MGA: variants seen among roughly 807,000 people sequenced by gnomAD.
MGA encodes MAX gene-associated protein.
MGA carries 40 observed loss-of-function variants against 261.1 expected under a neutral mutation model. The ratio of observed to expected loss-of-function variants is 0.15; its 90% confidence interval spans 0.12 to 0.20. MGA has a LOEUF of 0.20. Ranked by LOEUF, MGA falls within the 10% of genes least tolerant of loss-of-function variation. The pLI is 1.00. For missense variants in MGA, 3,397 were observed against 3,630.5 expected (o/e 0.94, Z 1.65); for synonymous variants, 1,302 against 1,290.6 (o/e 1.01, Z -0.19).
intron 2 of MGA, among the ~76,000 whole-genome samples, chr15:41,687,837 T>C (rs2059050308): frequency 6.6e-6 from 1 of 152,198 alleles, no homozygotes; most frequent in African/African-American, 2.4e-5. Context: ...CAAGTAAGTT[T>C]GATTGATAGT....
Position 41,725,766 on chromosome 15 carries a change from C to T in MGA, c.3431-1414C>T, listed in dbSNP as rs1414484054. On this transcript the variant is annotated intron_variant, in intron 9 of 23. Coordinates refer to ENST00000219905, the MANE Select transcript of MGA (RefSeq NM_001164273.2). ...AGGAGAATGGCGTGAACCCGGGAGG[C>T]GGAGCTTGCAGTGAGCCGAGATCCC... is the stretch of plus-strand genomic sequence containing the variant. Among the ~76,000 whole-genome samples, 6 of 32,210 alleles carry T rather than the reference C, an allele frequency of 1.9e-4. 2 individuals are homozygous for T. The highest frequency in any genetic ancestry group is 5.0e-4 in the African/African-American group (6 of 11,926). The allele number at this position is 32,210 out of a possible 152,430, so 21.1% of individuals were successfully genotyped here.
intron 11 of MGA, among the ~76,000 whole-genome samples, chr15:41,731,415 T>A (rs2061503209): frequency 1.3e-5 from 2 of 152,140 alleles, no homozygotes; most frequent in African/African-American, 4.8e-5. Flanking sequence ...ATAATTATTT[T>A]AAACATTTTC....
At chr15:41,675,576 C>T (rs897713963) in intron 2 of MGA, among the ~76,000 whole-genome samples, 4 of 152,084 alleles carry the variant, frequency 2.6e-5, no homozygotes, top group Non-Finnish European at 5.9e-5. Flanking sequence ...TGGGATCTTG[C>T]TATGTTGGCC....
intron 9 of MGA, among the ~76,000 whole-genome samples, chr15:41,715,996 T>G (rs1438796665): frequency 1.3e-5 from 2 of 152,206 alleles, no homozygotes; most frequent in African/African-American, 2.4e-5. Flanking sequence ...GATTATTGTC[T>G]TCATCCTGTG....
chr15:41,744,696 G>T (rs909143099), intron 15 of MGA, among the ~76,000 whole-genome samples: 4 of 152,072 alleles, frequency 2.6e-5, no homozygotes, highest in African/African-American at 7.2e-5. Flanking sequence ...GCCTGTTTCT[G>T]TACTCTTAAT....
rs763367691 is a variant in MGA, at chr15:41,740,150, C to G, written c.4532C>G (p.Thr1511Arg). 1 of 1,614,022 alleles carries G rather than the reference C, an allele frequency of 6.2e-7. No homozygotes were observed. The highest frequency in any genetic ancestry group is 1.1e-5 in the South Asian group (1 of 91,086). ...ATGGCATCCTCCTCTGGCACTGCAA[C>G]AAATCGCCCTGGGAAGAATCTGAAG... Residue 1511 changes from threonine to arginine, a missense_variant, in exon 14 of 24, where the codon ACA (threonine) becomes AGA (arginine). By Grantham distance (71) the Thr-to-Arg change is moderately conservative. Around this residue, in one of 9 missense-constraint regions of MGA, gnomAD observed 1,410 missense variants for 1,386.4 expected, o/e 1.02. Coordinates refer to ENST00000219905, the MANE Select transcript of MGA (RefSeq NM_001164273.2).
intron 5 of MGA, among the ~76,000 whole-genome samples, chr15:41,703,721 A>G (rs2059970060): frequency 6.6e-6 from 1 of 152,118 alleles, no homozygotes; most frequent in African/African-American, 2.4e-5. Context: ...CAGCCTGGGC[A>G]ACAGAGCGAG....
intron 11 of MGA, among the ~76,000 whole-genome samples, chr15:41,731,156 A>C (rs2061488996): frequency 6.6e-6 from 1 of 152,190 alleles, no homozygotes; most frequent in Non-Finnish European, 1.5e-5. Context: ...GTAATTTAAA[A>C]ATGTAAATTA....
In MGA at chr15:41,669,360, G is replaced by T; in HGVS notation, c.466G>T (p.Val156Phe). 2 of 1,613,926 alleles carry T rather than the reference G, an allele frequency of 1.2e-6. No individual in the cohort carries two copies. The highest frequency in any genetic ancestry group is 1.7e-6 in the Non-Finnish European group (2 of 1,179,870). Residue 156 changes from valine (V) to phenylalanine (F), a missense_variant, in exon 2 of 24, where the codon GTT becomes TTT. Physicochemically the swap from Val to Phe is conservative, Grantham distance 50. Around this residue, in one of 9 missense-constraint regions of MGA, gnomAD observed 104 missense variants for 212.9 expected, o/e 0.49. Transcript: ENST00000219905. ...GGCTGAACCTCATGTTTTGGGGAGG[G>T]TTTTCATTCATCCAGAATCTCCTTC...
chr15:41,758,537 T>C (rs896475100), intron 19 of MGA, among the ~76,000 whole-genome samples: 2 of 152,212 alleles, frequency 1.3e-5, no homozygotes, highest in Non-Finnish European at 2.9e-5. Context: ...CATATATCAT[T>C]ATATTTGGCT....
intron 1 of MGA, among the ~76,000 whole-genome samples, chr15:41,641,164 T>C (rs1355663853): frequency 3.3e-5 from 5 of 152,220 alleles, no homozygotes; most frequent in Non-Finnish European, 7.3e-5. Context: ...GTATCCATAC[T>C]TAATTCATTT....
chr15:41,671,512 A>G (rs1342746693), intron 2 of MGA, among the ~76,000 whole-genome samples: 1 of 151,978 alleles, frequency 6.6e-6, no homozygotes, highest in Non-Finnish European at 1.5e-5. Flanking sequence ...ATTTTTTAGT[A>G]GAGATGGGGT....
chr15:41,750,853 G>T, intron 17 of MGA: 1 of 401,814 alleles, frequency 2.5e-6, no homozygotes, highest in Non-Finnish European at 4.4e-6. Context: ...AATATTTGGG[G>T]GATAGGTGCT....
At position 41,713,469 on chromosome 15, in the gene MGA, A is replaced by G. The variant is rs2060478663; in HGVS notation, c.3403A>G (p.Lys1135Glu). ...GGAGGAGGAGGAACAATTGAAAGAG[A>G]AAAAGAAGAGAAAGAAGCTAGAATA... The change falls in exon 9 of 24, where the codon AAA becomes GAA. Residue 1135 changes from lysine (K) to glutamate (E), a missense_variant. Coordinates refer to ENST00000219905, the MANE Select transcript of MGA (RefSeq NM_001164273.2). 1 of 1,550,332 alleles carries G rather than the reference A, an allele frequency of 6.5e-7. No homozygotes were observed. Among genetic ancestry groups the G allele is most frequent in the Non-Finnish European group, 8.7e-7 (1 of 1,147,294 alleles).
At chr15:41,664,590 C>T (rs1282364538) in intron 1 of MGA, among the ~76,000 whole-genome samples, 1 of 151,998 alleles carries the variant, frequency 6.6e-6, no homozygotes, top group Non-Finnish European at 1.5e-5. Context: ...TGAAATGCAC[C>T]TAAGGATGTT....
intron 17 of MGA, among the ~76,000 whole-genome samples, chr15:41,752,555 T>G (rs1283301158): frequency 9.5e-5 from 14 of 147,490 alleles, no homozygotes; most frequent in East Asian, 7.9e-4. Flanking sequence ...TAAAGTTTTT[T>G]TTTTTTTTTT....
In MGA at chr15:41,740,172, G is replaced by A. The variant is rs756470715; in HGVS notation, c.4554G>A (p.Leu1518=). The change falls in exon 14 of 24, where the codon CTG becomes CTA. Residue 1518 remains leucine (L), a synonymous_variant. Coordinates refer to ENST00000219905, the MANE Select transcript of MGA (RefSeq NM_001164273.2). ...CAACAAATCGCCCTGGGAAGAATCTGAAGGCGTTTGTCCCAGCAAAACGGC... is the reference window on the plus strand; with the variant it reads ...CAACAAATCGCCCTGGGAAGAATCTAAAGGCGTTTGTCCCAGCAAAACGGC... The A allele has an allele frequency of 6.2e-7, 1 of 1,614,000 alleles. No homozygotes were observed. Among genetic ancestry groups the A allele is most frequent in the South Asian group, 1.1e-5 (1 of 91,080 alleles).
Position 41,669,968 on chromosome 15 carries a change from A to G in MGA, c.1064+10A>G. Reference sequence around the variant, plus strand: ...AAGAGATTTCTGAATGGTAAGTAGTAGTTTTTCTGTTCTTAGAAATAAAAG... The same window carrying G: ...AAGAGATTTCTGAATGGTAAGTAGTGGTTTTTCTGTTCTTAGAAATAAAAG... On this transcript the variant is annotated intron_variant, in intron 2 of 23. Transcript: ENST00000219905. 2.5e-6 allele frequency: 4 copies of G among 1,594,036 alleles called. No individual in the cohort carries two copies. Among genetic ancestry groups the G allele is most frequent in the Non-Finnish European group, 3.4e-6 (4 of 1,166,548 alleles).
chr15:41,632,252 A>G (rs1195323205), intron 1 of MGA, among the ~76,000 whole-genome samples: 1 of 152,180 alleles, frequency 6.6e-6, no homozygotes, highest in Non-Finnish European at 1.5e-5. Context: ...GTACTACTCA[A>G]TTCTGTTGTG....
Sources: gnomAD v4.1 joint callset for allele counts (sites outside exome capture counted in the v4.1 genomes callset) on GRCh38, gnomAD v4.1.1 for gene constraint, gnomAD v4.1.1 regional missense constraint, MANE v1.5 for transcripts, NCBI Gene and HGNC (gene_info 2026-07-23, HGNC 2026-07-21) for gene names.